The following ABCD4 variants were observed in gnomAD, a reference collection of about 807,000 sequenced individuals.
ABCD4 encodes lysosomal cobalamin transporter ABCD4.
A neutral mutation model predicts 86.3 loss-of-function variants in ABCD4; 53 were observed. The ratio of observed to expected loss-of-function variants is 0.61; its 90% CI spans 0.49 to 0.77. The LOEUF (loss-of-function observed/expected upper bound fraction) is 0.77. Ranked by LOEUF, ABCD4 falls within the 30% of genes least tolerant of loss-of-function variation. ABCD4 has a pLI of 0.00. For synonymous variants in ABCD4, 328 were observed against 313.6 expected (o/e 1.05, Z -0.49); for missense variants, 757 against 764.5 (o/e 0.99, Z 0.12).
chr14:74,298,267 CT>C (rs1399824563), intron 3 of ABCD4, among the ~76,000 whole-genome samples, 198 bp from the exon 4 acceptor site: 1 of 152,104 alleles, frequency 6.6e-6, no homozygotes, highest in East Asian at 1.9e-4. Flanking sequence ...GTGTTCATTC[CT>C]TCACCAAATT....
At chr14:74,299,963 G>A (rs971909303) in intron 2 of ABCD4, 187 bp downstream of exon 2, 21 of 579,474 alleles carry the variant, frequency 3.6e-5, no homozygotes, top group Middle Eastern at 4.6e-4. Flanking sequence ...CTCAGGAGGC[G>A]AAGGCAGGAG....
intron 17 of ABCD4, 81 bp downstream of exon 17, chr14:74,287,729 C>T (rs1202515351): frequency 9.7e-6 from 13 of 1,336,210 alleles, no homozygotes; most frequent in Non-Finnish European, 1.3e-5. Context: ...ACAGGTGTGC[C>T]TGGGTGCCTG....
At chr14:74,287,115 GAAAAGTCC>G (rs2079986083) in intron 17 of ABCD4, among the ~76,000 whole-genome samples, 1 of 152,190 alleles carries the variant, frequency 6.6e-6, no homozygotes, top group African/African-American at 2.4e-5. Context: ...TCAGTCTTTG[GAAAAGTCC>G]ACACCCATCC....
At chr14:74,294,645 G>C (rs2082377893) in intron 7 of ABCD4, 1 of 162,530 alleles carries the variant, frequency 6.2e-6, no homozygotes, top group Admixed American at 6.1e-5. Context: ...GAAGGGATGG[G>C]ATTTCATGCC....
intron 7 of ABCD4, 188 bp from the exon 8 acceptor site, chr14:74,293,436 A>C (rs2082075055): frequency 1.9e-6 from 1 of 539,950 alleles, no homozygotes; most frequent in Non-Finnish European, 3.3e-6. Flanking sequence ...CTGTGTGAAG[A>C]ACATAAACTC....
rs201100662 is a variant in ABCD4, at chr14:74,292,312, C to A, written c.1093G>T (p.Gly365Cys). 1.1e-5 allele frequency: 17 copies of A among 1,614,118 alleles called. No individual in the cohort carries two copies. The Middle Eastern group carries it at 1.2e-3, about 110-fold the overall frequency. ...SLKSQDCEIL[G>C]ESEWGLDTPP... ...GTGTCCAAGCCCCACTCGCTCTCGC[C>A]CAGGATCTCGCAGTCCTGTGACTTC... The change falls in exon 11 of 19, where the codon GGC (glycine) becomes TGC (cysteine). Residue 365 changes from glycine (G) to cysteine (C), a missense_variant. By Grantham distance (159) the Gly-to-Cys change is radical (BLOSUM62 -3). Transcript: ENST00000356924.
At chr14:74,295,252 C>T in intron 6 of ABCD4, 54 bp from the exon 7 acceptor site, 2 of 1,601,104 alleles carry the variant, frequency 1.2e-6, no homozygotes, top group Non-Finnish European at 1.7e-6. Context: ...TGGCCTCACT[C>T]TTGTTGGAGT....
At chr14:74,289,851 A>C in intron 13 of ABCD4, 176 bp downstream of exon 13, 1 of 1,452,858 alleles carries the variant, frequency 6.9e-7, no homozygotes, top group Non-Finnish European at 9.0e-7. Flanking sequence ...TAGTGGGCCC[A>C]ATCCATGGAT....
chr14:74,289,239 G>C, intron 14 of ABCD4: 1 of 1,348,896 alleles, frequency 7.4e-7, no homozygotes, highest in Non-Finnish European at 9.5e-7. Context: ...AAGGGAAGGG[G>C]TGGGTGAAGG....
At chr14:74,289,568 G>A (rs747538312) in intron 13 of ABCD4, 49 bp from the exon 14 acceptor site, 15 of 1,606,350 alleles carry the variant, frequency 9.3e-6, no homozygotes, top group Admixed American at 1.7e-5. Context: ...AGCAAAAGAC[G>A]GAGCTGCACA....
chr14:74,287,197 G>A (rs951637797), intron 17 of ABCD4, among the ~76,000 whole-genome samples: 1 of 152,196 alleles, frequency 6.6e-6, no homozygotes, highest in Non-Finnish European at 1.5e-5. Flanking sequence ...GGTGGAGCCA[G>A]AGGAGCATAA....
intron 1 of ABCD4, 122 bp downstream of exon 1, chr14:74,302,753 A>C: frequency 8.5e-7 from 1 of 1,172,808 alleles, no homozygotes; most frequent in Non-Finnish European, 1.1e-6. Context: ...TCTTTCTCTC[A>C]GAAGTCACGG....
chr14:74,296,632 A>G (rs1051063030), intron 4 of ABCD4, 183 bp from the exon 5 acceptor site: 43 of 589,526 alleles, frequency 7.3e-5, no homozygotes, highest in African/African-American at 6.6e-4. Context: ...CAGGGCCTTT[A>G]AACAGGGTTC....
At chr14:74,299,760 AC>A in intron 2 of ABCD4, 85 bp from the exon 3 acceptor site, 2 of 1,409,710 alleles carry the variant, frequency 1.4e-6, no homozygotes, top group Admixed American at 2.0e-5. Context: ...CCTCATCAGC[AC>A]CCCAAAGAGA....
Position 74,289,798 on chromosome 14 carries a change from G to A in ABCD4, c.1419+229C>T, listed in dbSNP as rs1327984206. 51 of 1,436,810 alleles carry A rather than the reference G, an allele frequency of 3.5e-5. No homozygotes were observed. In the South Asian group the frequency reaches 5.1e-4, roughly 14 times the overall value. 89.0% of individuals were successfully genotyped at this position (1,436,810 alleles called of 1,614,324 possible). A position where few individuals can be genotyped will look rare whatever the true frequency, so the allele number is the denominator to read the frequency against. The stretch of plus-strand genomic sequence containing the variant: ...TTGACATACGCGTGTGGTATTTGGC[G>A]TGAGTCCTTGCCCCATTTACCTGCC... On this transcript the variant is annotated intron_variant, in intron 13 of 18. Coordinates refer to ENST00000356924, the MANE Select transcript of ABCD4 (RefSeq NM_005050.4).
At chr14:74,292,265 G>A (rs377441789) in intron 11 of ABCD4, 22 bp downstream of exon 11, 4 of 1,612,242 alleles carry the variant, frequency 2.5e-6, no homozygotes, top group Non-Finnish European at 3.4e-6. Flanking sequence ...CTCAACTACT[G>A]CTCTGCCAGC....
At chr14:74,289,172 G>A (rs1043394644) in intron 14 of ABCD4, 3 of 1,267,634 alleles carry the variant, frequency 2.4e-6, no homozygotes, top group Admixed American at 3.8e-5. Context: ...TGATGCAGGG[G>A]TGGGGGCCTC....
rs1202234108 is a variant in ABCD4 at position 74,286,789 on chromosome 14, G to C, written c.1664C>G (p.Thr555Arg). The change falls in exon 18 of 19, where the codon ACA becomes AGA. Residue 555 changes from threonine to arginine, a missense_variant. Thr to Arg is a moderately conservative substitution (Grantham distance 71). Coordinates refer to ENST00000356924, the MANE Select transcript of ABCD4 (RefSeq NM_005050.4). ...ATAGAGCTCGCTCTCCACTTCCTCT[G>C]TCAGGGCACTGGTGGCTTCATCAAG... ...AVLDEATSAL[T>R]EEVESELYRI... The C allele has an allele frequency of 1.9e-6, 3 of 1,613,958 alleles. No individual in the cohort carries two copies. The highest frequency in any genetic ancestry group is 1.7e-6 in the Non-Finnish European group (2 of 1,180,050).
intron 17 of ABCD4, among the ~76,000 whole-genome samples, chr14:74,287,385 C>T (rs1328106904): frequency 6.6e-6 from 1 of 151,606 alleles, no homozygotes; most frequent in Non-Finnish European, 1.5e-5. Flanking sequence ...CCTGTCTCTA[C>T]AAAAATAAAA....
Sources: gnomAD v4.1 joint callset for allele counts (sites outside exome capture counted in the v4.1 genomes callset) on GRCh38, gnomAD v4.1.1 for gene constraint, MANE v1.5 for transcripts, NCBI Gene and HGNC (gene_info 2026-07-23, HGNC 2026-07-21) for gene names.